DTWD1: variants seen among roughly 807,000 people sequenced by gnomAD.
DTWD1 encodes the protein tRNA-uridine aminocarboxypropyltransferase 1.
In DTWD1, 27 loss-of-function variants were observed where a neutral mutation model predicts 30.2. The ratio of observed to expected loss-of-function variants is 0.90; its 90% confidence interval spans 0.66 to 1.23. The LOEUF (loss-of-function observed/expected upper bound fraction) is 1.23. Among genes scored for constraint, DTWD1 ranks in the 50% most tolerant of loss-of-function variants. The pLI is 0.00. For synonymous variants in DTWD1, 99 were observed against 113.1 expected (o/e 0.88, Z 0.79); for missense variants, 342 against 348.8 (o/e 0.98, Z 0.15).
chr15:49,625,416 G>C lies in DTWD1; in HGVS notation c.249G>C (p.Gln83His). Residue 83 changes from glutamine to histidine, a missense_variant, in exon 2 of 5, where the codon CAG (glutamine) becomes CAC (histidine). Physicochemically the swap from Gln to His is conservative, Grantham distance 24. Coordinates refer to ENST00000403028, the MANE Select transcript of DTWD1 (RefSeq NM_001144955.2). The part of the protein sequence containing the change: ...YVPVENVPIE[Q>H]IPLVKLPLKI... ...CAGTTGAAAATGTACCTATTGAACA[G>C]ATTCCACTTGTGAAGGTTAGTAAGA... The C allele has an allele frequency of 3.7e-6, 6 of 1,608,734 alleles. No individual in the cohort carries two copies. The highest frequency in any genetic ancestry group is 4.2e-6 in the Non-Finnish European group (5 of 1,177,548).
rs2079172296 is a variant in DTWD1 at position 49,655,392 on chromosome 15, A to C, written c.*11814A>C. The C allele has an allele frequency of 6.6e-6, 1 of 152,072 alleles. No individual in the cohort carries two copies. Among genetic ancestry groups the C allele is most frequent in the Non-Finnish European group, 1.5e-5 (1 of 67,986 alleles). 9.4% of individuals were successfully genotyped at this position (152,072 alleles called of 1,614,324 possible). A position where few individuals can be genotyped will look rare whatever the true frequency, so the allele number is the denominator to read the frequency against. On this transcript the variant is annotated 3_prime_UTR_variant, in exon 5 of 5. Transcript: ENST00000403028. ...GTAAGAAAGAAAGACTTATGAAGAA[A>C]AGACCTGTAGAAAATCGGGCCTACG... is the stretch of plus-strand genomic sequence containing the variant.
rs2078984404 is a variant in DTWD1 at position 49,635,113 on chromosome 15, C to T, written c.667+319C>T. ...GCAATGGCACAATCTTGGCTCACTGCAACCTCCTCCTCCTGGGTTCAAGTG... is the reference window on the plus strand; with the variant it reads ...GCAATGGCACAATCTTGGCTCACTGTAACCTCCTCCTCCTGGGTTCAAGTG... On this transcript the variant is annotated intron_variant, in intron 4 of 4. Coordinates refer to ENST00000403028, the MANE Select transcript of DTWD1 (RefSeq NM_001144955.2). 2.0e-5 allele frequency among the ~76,000 whole-genome samples: 3 copies of T among 152,172 alleles called. No homozygotes were observed. In the South Asian group the frequency reaches 6.2e-4, roughly 31 times the overall value.
In DTWD1 at chr15:49,653,798, GA is replaced by G. The variant is rs776578754; in HGVS notation, c.*10222del. 2 of 152,084 alleles carry G rather than the reference GA, an allele frequency of 1.3e-5. No homozygotes were observed. Among genetic ancestry groups the G allele is most frequent in the Non-Finnish European group, 2.9e-5 (2 of 67,996 alleles). 9.4% of individuals were successfully genotyped at this position (152,084 alleles called of 1,614,324 possible). On this transcript the variant is annotated 3_prime_UTR_variant, in exon 5 of 5. Transcript: ENST00000403028. Reference sequence around the variant, plus strand: ...ATGTACAGGAAGACATTTACTGAGTGAACTAAAGAAGGAACTGTTCAATTTG... The same window carrying G: ...ATGTACAGGAAGACATTTACTGAGTGACTAAAGAAGGAACTGTTCAATTTG...
chr15:49,626,549 A>G (rs540063508), intron 2 of DTWD1, among the ~76,000 whole-genome samples: 1 of 152,270 alleles, frequency 6.6e-6, no homozygotes, highest in South Asian at 2.1e-4. Flanking sequence ...TTTAGGAATA[A>G]ATCAATTAAT....
In DTWD1 at chr15:49,643,409, C is replaced by T. The variant is rs1436326499; in HGVS notation, c.746C>T (p.Ser249Phe). Residue 249 changes from serine (S) to phenylalanine (F), a missense_variant, in exon 5 of 5, where the codon TCT (serine) becomes TTT (phenylalanine). Transcript: ENST00000403028. The stretch of plus-strand genomic sequence containing the variant: ...AAAGGAAAGCCAGATACTTTCCTTT[C>T]TACAATTGAAGCCATTTACTACTTT... ...HQKGKPDTFL[S>F]TIEAIYYFLV... The T allele has an allele frequency of 6.3e-7, 1 of 1,583,612 alleles. No individual in the cohort carries two copies. Among genetic ancestry groups the T allele is most frequent in the Admixed American group, 1.8e-5 (1 of 55,568 alleles).
chr15:49,623,216 A>G lies in DTWD1; in HGVS notation c.-55-1897A>G, dbSNP rs568748962. On this transcript the variant is annotated intron_variant, in intron 1 of 4. Transcript: ENST00000403028. ...AATGAAGTCAGGTTGAGCTACTCCAATCAAATTTCATTTTTTAGGATGAAT... is the reference window on the plus strand; with the variant it reads ...AATGAAGTCAGGTTGAGCTACTCCAGTCAAATTTCATTTTTTAGGATGAAT... Among the ~76,000 whole-genome samples, 4 of 152,322 alleles carry G rather than the reference A, an allele frequency of 2.6e-5. No individual in the cohort carries two copies. The South Asian group carries it at 6.2e-4, about 24-fold the overall frequency.
chr15:49,640,368 G>A (rs760768916), intron 4 of DTWD1, among the ~76,000 whole-genome samples: 3 of 151,996 alleles, frequency 2.0e-5, no homozygotes, highest in African/African-American at 7.2e-5. Flanking sequence ...AAACACTTTG[G>A]TTATTTCTAG....
At chr15:49,621,525 G>C (rs371847315) in intron 1 of DTWD1, among the ~76,000 whole-genome samples, 1 of 152,234 alleles carries the variant, frequency 6.6e-6, no homozygotes. Context: ...TACAGACGTA[G>C]AATTAGTGAT....
chr15:49,622,808 C>T (rs147642997), intron 1 of DTWD1, among the ~76,000 whole-genome samples: 1,525 of 152,230 alleles, frequency 0.01, 15 homozygotes, highest in Middle Eastern at 0.037. Context: ...TTCTACGTGG[C>T]CACCTCAGCC....
intron 3 of DTWD1, among the ~76,000 whole-genome samples, chr15:49,634,277 T>C (rs1239176680): frequency 2.6e-5 from 4 of 152,160 alleles, no homozygotes; most frequent in African/African-American, 9.6e-5. Context: ...TTATTTCAAG[T>C]ATGACTAACT....
intron 3 of DTWD1, among the ~76,000 whole-genome samples, chr15:49,633,075 T>TATATATA (rs2078952326): frequency 1.1e-5 from 1 of 87,434 alleles, no homozygotes; most frequent in Non-Finnish European, 3.1e-5. Context: ...ATATATGTAT[T>TATATATA]TTTTTGGTTG....
intron 4 of DTWD1, 84 bp downstream of exon 4, chr15:49,634,878 G>A (rs2078980819): frequency 7.6e-7 from 1 of 1,308,266 alleles, no homozygotes; most frequent in Non-Finnish European, 1.0e-6. Flanking sequence ...TTTGAAAGAG[G>A]AGTTACACTG....
intron 4 of DTWD1, among the ~76,000 whole-genome samples, chr15:49,636,114 T>C (rs2153353239): frequency 6.6e-6 from 1 of 152,324 alleles, no homozygotes; most frequent in Middle Eastern, 3.4e-3. Context: ...TTTTCCTTTT[T>C]TTGGTTTGGC....
Position 49,646,692 on chromosome 15 carries a change from G to T in DTWD1, c.*3114G>T, listed in dbSNP as rs951611712. On this transcript the variant is annotated 3_prime_UTR_variant, in exon 5 of 5. Transcript: ENST00000403028. Reference sequence around the variant, plus strand: ...TTTTTCATCTTGCCTGTCCAGAAGCGTACTCTGTGGCCAAGCAAGTGTACT... The same window carrying T: ...TTTTTCATCTTGCCTGTCCAGAAGCTTACTCTGTGGCCAAGCAAGTGTACT... 6.6e-6 allele frequency: 1 copy of T among 152,128 alleles called. No individual in the cohort carries two copies. Among genetic ancestry groups the T allele is most frequent in the Non-Finnish European group, 1.5e-5 (1 of 68,042 alleles). 9.4% of individuals were successfully genotyped at this position (152,128 alleles called of 1,614,324 possible).
intron 1 of DTWD1, among the ~76,000 whole-genome samples, chr15:49,624,647 C>T (rs2078814868): frequency 6.6e-6 from 1 of 152,068 alleles, no homozygotes; most frequent in Admixed American, 6.6e-5. Context: ...TGTATATGCA[C>T]ACATGTACAC....
Position 49,643,697 on chromosome 15 carries a change from C to A in DTWD1, c.*119C>A, listed in dbSNP as rs1174776520. The A allele has an allele frequency of 1.8e-6, 2 of 1,092,674 alleles. No homozygotes were observed. The highest frequency in any genetic ancestry group is 2.9e-5 in the East Asian group (1 of 34,838). 67.7% of individuals were successfully genotyped at this position (1,092,674 alleles called of 1,614,324 possible). On this transcript the variant is annotated 3_prime_UTR_variant, in exon 5 of 5. Transcript: ENST00000403028. ...GCCTGTAAGACCATTTGAAAAAATT[C>A]CAGTTTCATATATATCACTTCATAT...
At chr15:49,625,514 CTT>C in intron 2 of DTWD1, 83 bp downstream of exon 2, 2 of 1,244,442 alleles carry the variant, frequency 1.6e-6, no homozygotes, top group Admixed American at 5.5e-5. Flanking sequence ...AATTGATAAA[CTT>C]AATAAATAAT....
chr15:49,651,407 C>T lies in DTWD1; in HGVS notation c.*7829C>T, dbSNP rs2153354900. On this transcript the variant is annotated 3_prime_UTR_variant, in exon 5 of 5. Coordinates refer to ENST00000403028, the MANE Select transcript of DTWD1 (RefSeq NM_001144955.2). The stretch of plus-strand genomic sequence containing the variant: ...ACATTGCCTAGTTGACGTCATCCTT[C>T]CTGCTTCAGTTATTCGCCACCCAGT... 1 of 152,256 alleles carries T rather than the reference C, an allele frequency of 6.6e-6. No homozygotes were observed. Among genetic ancestry groups the T allele is most frequent in the African/African-American group, 2.4e-5 (1 of 41,554 alleles). The allele number at this position is 152,256 out of a possible 1,614,324, so 9.4% of individuals were successfully genotyped here.
At position 49,643,431 on chromosome 15, in the gene DTWD1, C is replaced by G. The variant is rs747736956; in HGVS notation, c.768C>G (p.Tyr256Ter). 3 of 1,602,602 alleles carry G rather than the reference C, an allele frequency of 1.9e-6. No homozygotes were observed. The East Asian group carries it at 6.8e-5, about 36-fold the overall frequency. The change falls in exon 5 of 5, where the codon TAC (tyrosine) becomes TAG (stop). Residue 256 changes from tyrosine to a stop codon, truncating the protein, a stop_gained. Coordinates refer to ENST00000403028, the MANE Select transcript of DTWD1 (RefSeq NM_001144955.2). LOFTEE classifies it high-confidence loss of function. ...TTTCTACAATTGAAGCCATTTACTA[C>G]TTTCTGGTAGACTACCATACTGATA... The part of the protein sequence containing the change: ...TFLSTIEAIY[Y>*]FLVDYHTDIL...
Sources: allele counts gnomAD v4.1 joint callset (sites outside exome capture counted in the v4.1 genomes callset), GRCh38; gene constraint gnomAD v4.1.1; transcripts MANE v1.5; gene names NCBI Gene and HGNC (gene_info 2026-07-23, HGNC 2026-07-21).